Variants in RANBP2 observed in about 807,000 individuals in gnomAD.
RANBP2 encodes RAN binding protein 2.
RANBP2 carries 57 observed loss-of-function variants against 303.6 expected under a neutral mutation model. The ratio of observed to expected loss-of-function variants is 0.19; its 90% CI spans 0.15 to 0.23. The LOEUF (loss-of-function observed/expected upper bound fraction) is 0.23, where lower values mean the gene tolerates loss of function less well. RANBP2 is among the 10% of genes least tolerant of loss of function. The pLI is 1.00. For missense variants in RANBP2, 3,138 were observed against 3,780.8 expected (o/e 0.83, Z 4.46); for synonymous variants, 1,167 against 1,301.5 (o/e 0.90, Z 2.23).
the RANBP2 span, among the ~76,000 whole-genome samples, chr2:108,901,747 A>G: frequency 6.6e-6 from 1 of 152,250 alleles, no homozygotes; most frequent in African/African-American, 2.4e-5. Flanking sequence ...ATCACAACTT[A>G]CCCAATATAA....
chr2:108,973,398 T>C, the RANBP2 span, among the ~76,000 whole-genome samples: 1 of 152,200 alleles, frequency 6.6e-6, no homozygotes, highest in Non-Finnish European at 1.5e-5. Context: ...GTGTCCGCCA[T>C]CAGCCCCTGA....
At chr2:109,662,706 C>T in the RANBP2 span, among the ~76,000 whole-genome samples, 3 of 152,080 alleles carry the variant, frequency 2.0e-5, no homozygotes, top group South Asian at 4.1e-4. Flanking sequence ...CCACCATGCC[C>T]GGCCTCACCC....
At chr2:108,853,559 C>T in the RANBP2 span, among the ~76,000 whole-genome samples, 26 of 148,700 alleles carry the variant, frequency 1.7e-4, no homozygotes, top group South Asian at 6.3e-4. Context: ...TGGGATCTCA[C>T]GCTATCACTC....
At chr2:109,158,277 G>T in the RANBP2 span, among the ~76,000 whole-genome samples, 3 of 152,130 alleles carry the variant, frequency 2.0e-5, no homozygotes, top group African/African-American at 7.2e-5. Context: ...CCAGGCTCCC[G>T]GTTGCCACTT....
the RANBP2 span, among the ~76,000 whole-genome samples, chr2:109,206,607 A>G: frequency 2.0e-5 from 3 of 152,028 alleles, no homozygotes; most frequent in South Asian, 6.2e-4. Context: ...CTGGAGTTCA[A>G]GACCAGCCTG....
At chr2:108,826,981 A>G in the RANBP2 span, among the ~76,000 whole-genome samples, 1 of 152,106 alleles carries the variant, frequency 6.6e-6, no homozygotes, top group Admixed American at 6.5e-5. Context: ...GTTTCACAGT[A>G]TTTTTATTCT....
At chr2:109,430,743 C>A in the RANBP2 span, among the ~76,000 whole-genome samples, 4 of 152,318 alleles carry the variant, frequency 2.6e-5, no homozygotes, top group Admixed American at 1.3e-4. Flanking sequence ...AGCATTGAAA[C>A]TGTGAACGTG....
At chr2:109,000,058 A>G in the RANBP2 span, among the ~76,000 whole-genome samples, 3 of 152,366 alleles carry the variant, frequency 2.0e-5, no homozygotes, top group African/African-American at 7.2e-5. Flanking sequence ...GGGAACAGCT[A>G]CAGTGCAGAA....
chr2:109,284,470 G>A, the RANBP2 span, among the ~76,000 whole-genome samples: 1 of 152,138 alleles, frequency 6.6e-6, no homozygotes, highest in African/African-American at 2.4e-5. Context: ...CATGCAGAAG[G>A]GGACACACCC....
At chr2:108,787,590 T>G (rs1288314298), downstream of RANBP2, among the ~76,000 whole-genome samples, 1 of 152,220 alleles carries the variant, frequency 6.6e-6, no homozygotes, top group African/African-American at 2.4e-5. Context: ...ATAAAACCTT[T>G]TATAGGAAAA....
At chr2:109,729,722 C>A in the RANBP2 span, among the ~76,000 whole-genome samples, 2 of 152,130 alleles carry the variant, frequency 1.3e-5, no homozygotes, top group Admixed American at 6.6e-5. Context: ...GAAAGGAAAA[C>A]TCCCAGGTGT....
the RANBP2 span, among the ~76,000 whole-genome samples, chr2:109,551,154 G>A: frequency 5.3e-5 from 8 of 152,262 alleles, no homozygotes; most frequent in African/African-American, 1.7e-4. Flanking sequence ...CATTTGTTCT[G>A]TGCATCTCCC....
At chr2:109,733,198 C>G in the RANBP2 span, 1 of 395,618 alleles carries the variant, frequency 2.5e-6, no homozygotes, top group African/African-American at 2.2e-5. Context: ...AAAAAAAAAG[C>G]TGACTCCATC....
chr2:109,277,432 AATTTC>A, the RANBP2 span, among the ~76,000 whole-genome samples: 1 of 152,200 alleles, frequency 6.6e-6, no homozygotes, highest in Non-Finnish European at 1.5e-5. Context: ...ACGACTGTAT[AATTTC>A]ATAAGATTTA....
At chr2:108,754,868 C>G (rs1676176530) in intron 15 of RANBP2, 37 bp from the exon 16 acceptor site, 1 of 1,606,896 alleles carries the variant, frequency 6.2e-7, no homozygotes, top group Admixed American at 1.7e-5. Context: ...GAATTTTTTG[C>G]AAATGAAAGC....
chr2:109,231,173 C>T, the RANBP2 span, among the ~76,000 whole-genome samples: 2 of 152,242 alleles, frequency 1.3e-5, no homozygotes, highest in African/African-American at 2.4e-5. Context: ...CAGGCCAGAG[C>T]GGCTTTGCCG....
the RANBP2 span, among the ~76,000 whole-genome samples, chr2:109,437,580 C>T: frequency 2.4e-3 from 364 of 152,348 alleles, 1 homozygote; most frequent in African/African-American, 8.2e-3. Context: ...CTGCCGGGCC[C>T]TGCAGGGCTT....
At chr2:109,664,803 A>G in the RANBP2 span, among the ~76,000 whole-genome samples, 2 of 151,872 alleles carry the variant, frequency 1.3e-5, no homozygotes, top group East Asian at 3.9e-4. Flanking sequence ...GGTGGCAGAC[A>G]ACTGTAATCT....
chr2:109,138,655 C>T, the RANBP2 span, among the ~76,000 whole-genome samples: 2,217 of 152,342 alleles, frequency 0.015, 57 homozygotes, highest in African/African-American at 0.049. Context: ...GGTCACTCTT[C>T]CTCTGGGTCT....
Sources: allele counts gnomAD v4.1 joint callset (sites outside exome capture counted in the v4.1 genomes callset), GRCh38; gene constraint gnomAD v4.1.1; transcripts MANE v1.5; gene names NCBI Gene and HGNC (gene_info 2026-07-23, HGNC 2026-07-21).